HSD17B12: variants seen among roughly 807,000 people sequenced by gnomAD.
HSD17B12 encodes the protein very-long-chain 3-oxoacyl-CoA reductase.
In HSD17B12, 32 loss-of-function variants were observed where a neutral mutation model predicts 39.3. The observed-to-expected ratio is 0.81, with a 90% CI of 0.61 to 1.09. The LOEUF (loss-of-function observed/expected upper bound fraction) is 1.09. Among genes scored for constraint, HSD17B12 ranks in the 50% least tolerant of loss-of-function variants. The pLI is 0.00. For missense variants in HSD17B12, 342 were observed against 382.9 expected, an observed-to-expected ratio of 0.89 and a Z score of 0.89; for synonymous variants, 150 against 146.7, an observed-to-expected ratio of 1.02 and a Z score of -0.16.
chr11:43,848,797 A>G (rs1213281472), intron 9 of HSD17B12, among the ~76,000 whole-genome samples: 1 of 151,918 alleles, frequency 6.6e-6, no homozygotes, highest in African/African-American at 2.4e-5. Context: ...TACCACCTCT[A>G]TTTTCACATC....
At chr11:43,614,660 T>A in the HSD17B12 span, among the ~76,000 whole-genome samples, 1 of 152,160 alleles carries the variant, frequency 6.6e-6, no homozygotes, top group African/African-American at 2.4e-5. Flanking sequence ...TGAGACCATT[T>A]TTTATTATCC....
chr11:43,711,672 G>A (rs1950067867), intron 1 of HSD17B12, among the ~76,000 whole-genome samples: 1 of 151,616 alleles, frequency 6.6e-6, no homozygotes. Flanking sequence ...ACGGGTTTTT[G>A]CCTTGTTGCC....
the HSD17B12 span, among the ~76,000 whole-genome samples, chr11:43,621,010 T>A: frequency 6.6e-6 from 1 of 152,182 alleles, no homozygotes; most frequent in Non-Finnish European, 1.5e-5. Flanking sequence ...AATATCAAGT[T>A]AATTTTACTT....
At chr11:43,650,959 A>G in the HSD17B12 span, among the ~76,000 whole-genome samples, 2 of 152,230 alleles carry the variant, frequency 1.3e-5, no homozygotes, top group African/African-American at 2.4e-5. Context: ...AACAGGATCT[A>G]TAGGGTTCAG....
At chr11:43,634,103 A>AAAAAAAAAAAAAAAAAC in the HSD17B12 span, among the ~76,000 whole-genome samples, 1 of 143,764 alleles carries the variant, frequency 7.0e-6, no homozygotes, top group Non-Finnish European at 1.5e-5. Context: ...AAAAAAAAAA[A>AAAAAAAAAAAAAAAAAC]AAAAAAGAAA....
intron 3 of HSD17B12, among the ~76,000 whole-genome samples, chr11:43,794,737 G>A (rs1022825626): frequency 4.6e-5 from 7 of 152,156 alleles, no homozygotes; most frequent in Non-Finnish European, 8.8e-5. Context: ...CACAATTAGG[G>A]CAACATGAGT....
intron 1 of HSD17B12, among the ~76,000 whole-genome samples, chr11:43,730,632 A>G (rs897104473): frequency 6.6e-6 from 1 of 152,188 alleles, no homozygotes; most frequent in African/African-American, 2.4e-5. Flanking sequence ...TTATTAAACT[A>G]TCTTTTGGTG....
At chr11:43,751,390 C>A (rs995684905) in intron 2 of HSD17B12, among the ~76,000 whole-genome samples, 3 of 152,118 alleles carry the variant, frequency 2.0e-5, no homozygotes, top group Non-Finnish European at 4.4e-5. Flanking sequence ...TAGACACAGG[C>A]AAAGGGTTCA....
intron 9 of HSD17B12, among the ~76,000 whole-genome samples, chr11:43,840,583 T>G (rs984190405): frequency 6.6e-6 from 1 of 152,172 alleles, no homozygotes; most frequent in Non-Finnish European, 1.5e-5. Flanking sequence ...TCTATCTCTA[T>G]GAATTTGACT....
intron 3 of HSD17B12, among the ~76,000 whole-genome samples, chr11:43,771,451 G>A (rs1950648174): frequency 1.4e-5 from 2 of 148,132 alleles, no homozygotes; most frequent in South Asian, 4.2e-4. Flanking sequence ...ATGTAGGAGT[G>A]GACTCATATT....
chr11:43,600,572 G>C, the HSD17B12 span, among the ~76,000 whole-genome samples: 1 of 151,976 alleles, frequency 6.6e-6, no homozygotes, highest in Non-Finnish European at 1.5e-5. Flanking sequence ...CTTTATCTCT[G>C]ACATTATATT....
At position 43,768,100 on chromosome 11, in the gene HSD17B12, T is replaced by G. The variant is rs114529252; in HGVS notation, c.283+13979T>G. Among the ~76,000 whole-genome samples, 917 of 152,320 alleles carry G rather than the reference T, an allele frequency of 6.0e-3. 15 individuals carry two copies. The highest frequency in any genetic ancestry group is 0.021 in the African/African-American group (854 of 41,570). Reference sequence around the variant, plus strand: ...GGCACAACTAACTGAGTTCTAATCTTTGACTTCTTGTGCTGTGTTCTCCGT... The same window carrying G: ...GGCACAACTAACTGAGTTCTAATCTGTGACTTCTTGTGCTGTGTTCTCCGT... On this transcript the variant is annotated intron_variant, in intron 3 of 10. Coordinates refer to ENST00000278353, the MANE Select transcript of HSD17B12 (RefSeq NM_016142.3).
intron 1 of HSD17B12, among the ~76,000 whole-genome samples, chr11:43,727,359 C>G (rs1314863089): frequency 1.3e-5 from 2 of 152,160 alleles, no homozygotes; most frequent in Non-Finnish European, 2.9e-5. Context: ...CCGAAGGTGG[C>G]TGTGTTCTAT....
chr11:43,814,908 C>T (rs1951107392), intron 4 of HSD17B12, among the ~76,000 whole-genome samples: 1 of 152,154 alleles, frequency 6.6e-6, no homozygotes, highest in African/African-American at 2.4e-5. Context: ...ATGTCTTACT[C>T]AAAAGTGTAT....
intron 3 of HSD17B12, chr11:43,754,921 A>G (rs1419526760): frequency 1.3e-6 from 1 of 758,758 alleles, no homozygotes. Context: ...ACTCTTAACT[A>G]ACTTCTACTC....
chr11:43,796,285 G>A (rs897372892), intron 3 of HSD17B12, among the ~76,000 whole-genome samples: 1 of 152,056 alleles, frequency 6.6e-6, no homozygotes, highest in Non-Finnish European at 1.5e-5. Context: ...CGGGAACGAT[G>A]GTGTGTGCCT....
the HSD17B12 span, among the ~76,000 whole-genome samples, chr11:43,670,781 A>T: frequency 6.6e-6 from 1 of 152,088 alleles, no homozygotes; most frequent in Non-Finnish European, 1.5e-5. Flanking sequence ...GCTACTTGGG[A>T]GGCTGAGGCA....
the HSD17B12 span, among the ~76,000 whole-genome samples, chr11:43,582,258 G>A: frequency 6.6e-6 from 1 of 152,202 alleles, no homozygotes; most frequent in Non-Finnish European, 1.5e-5. Context: ...CGACTCAGAC[G>A]CTTAGCAGGA....
the HSD17B12 span, chr11:43,569,351 G>C: frequency 6.6e-6 from 1 of 152,236 alleles, no homozygotes; most frequent in Non-Finnish European, 1.5e-5. Flanking sequence ...ACTTTCTGCA[G>C]TGTCTCCTGA....
Sources: gnomAD v4.1 joint callset for allele counts (sites outside exome capture counted in the v4.1 genomes callset) on GRCh38, gnomAD v4.1.1 for gene constraint, MANE v1.5 for transcripts, NCBI Gene and HGNC (gene_info 2026-07-23, HGNC 2026-07-21) for gene names.